Variants in FAF1 observed in about 807,000 individuals in gnomAD.
The protein encoded by FAF1 is FAS-associated factor 1.
A neutral mutation model predicts 92.5 loss-of-function variants in FAF1; 25 were observed. The observed-to-expected ratio is 0.27, with a 90% CI of 0.20 to 0.38. The LOEUF is 0.38. FAF1 is among the 10% of genes least tolerant of loss of function. The pLI is 1.00. For synonymous variants in FAF1, 234 were observed against 273.2 expected (o/e 0.86, Z 1.42); for missense variants, 636 against 793.3 (o/e 0.80, Z 2.38).
At chr1:50,617,649 G>A (rs1251149081) in intron 8 of FAF1, among the ~76,000 whole-genome samples, 4 of 149,586 alleles carry the variant, frequency 2.7e-5, no homozygotes, top group Non-Finnish European at 4.4e-5. Context: ...TTAGGGTGAC[G>A]CTGGCCTCAC....
chr1:50,669,574 GA>G (rs60720562), intron 7 of FAF1, among the ~76,000 whole-genome samples: 10,042 of 152,146 alleles, frequency 0.066, 412 homozygotes, highest in East Asian at 0.091. Context: ...AAAATTGGGG[GA>G]AAATAAGATT....
At chr1:50,638,355 G>T (rs918682509) in intron 8 of FAF1, among the ~76,000 whole-genome samples, 2 of 151,912 alleles carry the variant, frequency 1.3e-5, no homozygotes, top group Non-Finnish European at 2.9e-5. Context: ...TAGAACTTGC[G>T]CAAGTGAACA....
chr1:50,683,161 TA>T (rs745958688), intron 7 of FAF1, among the ~76,000 whole-genome samples: 3 of 151,490 alleles, frequency 2.0e-5, no homozygotes, highest in Non-Finnish European at 2.9e-5. Flanking sequence ...AACAGTATTT[TA>T]AAAAAAAACA....
chr1:50,611,696 A>T (rs1015707026), intron 8 of FAF1, among the ~76,000 whole-genome samples: 1 of 152,246 alleles, frequency 6.6e-6, no homozygotes, highest in Non-Finnish European at 1.5e-5. Context: ...ATCATAATCA[A>T]TGCTAATGTT....
At chr1:50,842,072 C>T (rs985434284) in intron 2 of FAF1, among the ~76,000 whole-genome samples, 2 of 152,068 alleles carry the variant, frequency 1.3e-5, no homozygotes, top group Non-Finnish European at 2.9e-5. Flanking sequence ...GAATTCTGAA[C>T]TTTATTTCTC....
At chr1:50,909,917 T>C (rs546536766) in intron 1 of FAF1, among the ~76,000 whole-genome samples, 2 of 152,240 alleles carry the variant, frequency 1.3e-5, no homozygotes, top group Admixed American at 6.5e-5. Context: ...CTTTGTTCCG[T>C]TGCTGGTGAG....
At chr1:50,746,877 A>C (rs1254151607) in intron 4 of FAF1, among the ~76,000 whole-genome samples, 1 of 152,310 alleles carries the variant, frequency 6.6e-6, no homozygotes. Flanking sequence ...GCACAGACGC[A>C]GGAAACTGCT....
intron 15 of FAF1, among the ~76,000 whole-genome samples, chr1:50,495,874 C>T (rs1646892019): frequency 6.6e-6 from 1 of 152,266 alleles, no homozygotes; most frequent in East Asian, 1.9e-4. Context: ...CACAGTCATT[C>T]TCACCATAAA....
Position 50,455,968 on chromosome 1 carries a change from A to G in FAF1, c.1870-14445T>C, listed in dbSNP as rs957919201. On this transcript the variant is annotated intron_variant, in intron 18 of 18. Coordinates refer to ENST00000396153, the MANE Select transcript of FAF1 (RefSeq NM_007051.3). ...CATGCACCTGTAATCCCAGCTACTCAGGAGGCTGAGGCAGGAGAATCGCTT... is the reference window on the plus strand; with the variant it reads ...CATGCACCTGTAATCCCAGCTACTCGGGAGGCTGAGGCAGGAGAATCGCTT... 5.3e-5 allele frequency among the ~76,000 whole-genome samples: 8 copies of G among 152,242 alleles called. No homozygotes were observed. In the East Asian group the frequency reaches 5.8e-4, roughly 11 times the overall value.
At chr1:50,450,260 T>C (rs1282204411) in intron 18 of FAF1, among the ~76,000 whole-genome samples, 1 of 152,022 alleles carries the variant, frequency 6.6e-6, no homozygotes, top group East Asian at 1.9e-4. Context: ...AGTTGTTCTA[T>C]ATATTATCTA....
intron 14 of FAF1, among the ~76,000 whole-genome samples, chr1:50,538,622 G>C (rs981057890): frequency 3.3e-5 from 5 of 151,490 alleles, no homozygotes; most frequent in African/African-American, 1.2e-4. Context: ...ATCCTAAAAG[G>C]GTCTAGTCTG....
In FAF1 at chr1:50,763,950, A is replaced by G. The variant is rs191598798; in HGVS notation, c.368-19175T>C. Among the ~76,000 whole-genome samples the G allele has an allele frequency of 3.3e-5, 5 of 152,268 alleles. No individual in the cohort carries two copies. The East Asian group carries it at 7.7e-4, about 24-fold the overall frequency. On this transcript the variant is annotated intron_variant, in intron 4 of 18. Coordinates refer to ENST00000396153, the MANE Select transcript of FAF1 (RefSeq NM_007051.3). ...TATTAAAATATCCCTCCCTTCACCA[A>G]CTATATAGCTGTTTGGTGGCATTTT... is the stretch of plus-strand genomic sequence containing the variant.
At chr1:50,759,683 G>T (rs1435291720) in intron 4 of FAF1, among the ~76,000 whole-genome samples, 4 of 152,112 alleles carry the variant, frequency 2.6e-5, no homozygotes, top group African/African-American at 9.7e-5. Flanking sequence ...GGGATGGCTG[G>T]GTCAAATGGT....
intron 1 of FAF1, among the ~76,000 whole-genome samples, chr1:50,884,640 G>A (rs1384203793): frequency 2.0e-5 from 3 of 151,918 alleles, no homozygotes; most frequent in Non-Finnish European, 4.4e-5. Context: ...CTTTTTTAAT[G>A]TGTTGTTGAA....
chr1:50,515,015 A>G (rs1285707116), intron 15 of FAF1, among the ~76,000 whole-genome samples: 2 of 152,240 alleles, frequency 1.3e-5, no homozygotes, highest in East Asian at 3.9e-4. Context: ...GTTTTTCCCC[A>G]TACAATTTGT....
In FAF1 at chr1:50,959,881, C is replaced by G; in HGVS notation, c.-70G>C. Reference sequence around the variant, plus strand: ...GGGAGGCAGACGGCACCTCCTGCGACCGTCGCCGCCACCGCCGCCGCCGCC... The same window carrying G: ...GGGAGGCAGACGGCACCTCCTGCGAGCGTCGCCGCCACCGCCGCCGCCGCC... On this transcript the variant is annotated 5_prime_UTR_variant, in exon 1 of 19. Transcript: ENST00000396153. The G allele has an allele frequency of 8.8e-7, 1 of 1,136,890 alleles. No individual in the cohort carries two copies. Among genetic ancestry groups the G allele is most frequent in the Admixed American group, 3.5e-5 (1 of 28,510 alleles). 70.4% of individuals were successfully genotyped at this position (1,136,890 alleles called of 1,614,324 possible).
intron 15 of FAF1, among the ~76,000 whole-genome samples, chr1:50,517,615 GATACT>G (rs1241256057): frequency 6.6e-6 from 1 of 152,218 alleles, no homozygotes; most frequent in Non-Finnish European, 1.5e-5. Context: ...AGGTGATTGT[GATACT>G]AGTAGTCACT....
At chr1:50,516,426 G>C (rs1157117563) in intron 15 of FAF1, among the ~76,000 whole-genome samples, 4 of 152,156 alleles carry the variant, frequency 2.6e-5, no homozygotes, top group African/African-American at 9.7e-5. Context: ...CCTAAAGGTA[G>C]AAACCATATT....
At chr1:50,780,851 T>C in intron 4 of FAF1, 2 of 459,424 alleles carry the variant, frequency 4.4e-6, no homozygotes, top group Non-Finnish European at 8.6e-6. Flanking sequence ...CCTTGATGCA[T>C]CTTACCTTCA....
Sources: allele counts gnomAD v4.1 joint callset (sites outside exome capture counted in the v4.1 genomes callset), GRCh38; gene constraint gnomAD v4.1.1; transcripts MANE v1.5; gene names NCBI Gene and HGNC (gene_info 2026-07-23, HGNC 2026-07-21).